NAA11: variants seen among roughly 807,000 people sequenced by gnomAD.
NAA11 encodes the protein N-alpha-acetyltransferase 11.
Under a neutral mutation model 16.1 loss-of-function variants are expected in NAA11, and 15 were observed. The observed-to-expected ratio is 0.93, with a 90% CI of 0.62 to 1.44. NAA11 has a LOEUF of 1.44. Among genes scored for constraint, NAA11 ranks in the 40% most tolerant of loss-of-function variants. NAA11 has a pLI of 0.00. For synonymous variants in NAA11, 122 were observed against 112.4 expected (o/e 1.09, Z -0.54); for missense variants, 298 against 291.3 (o/e 1.02, Z -0.17).
At chr4:79,248,747 G>A (rs1053804801) in intron 2 of NAA11, among the ~76,000 whole-genome samples, 2 of 152,192 alleles carry the variant, frequency 1.3e-5, no homozygotes, top group African/African-American at 2.4e-5. Flanking sequence ...ACTGCTGCCT[G>A]CATAAACCTG....
chr4:79,259,871 A>G (rs1449975168), intron 2 of NAA11, among the ~76,000 whole-genome samples: 3 of 151,686 alleles, frequency 2.0e-5, no homozygotes, highest in African/African-American at 7.3e-5. Context: ...AAACCTTCAC[A>G]TTTCTTCATT....
At chr4:79,188,458 A>C in the NAA11 span, among the ~76,000 whole-genome samples, 7 of 151,978 alleles carry the variant, frequency 4.6e-5, no homozygotes, top group South Asian at 1.5e-3. Flanking sequence ...AGTGGTGGGC[A>C]CCTGTGGTCC....
the NAA11 span, among the ~76,000 whole-genome samples, chr4:79,195,497 T>C: frequency 6.6e-6 from 1 of 152,148 alleles, no homozygotes; most frequent in Non-Finnish European, 1.5e-5. Flanking sequence ...TTTAAAATCT[T>C]TAAGAAAATC....
the NAA11 span, among the ~76,000 whole-genome samples, chr4:79,201,517 G>A: frequency 6.6e-6 from 1 of 151,666 alleles, no homozygotes; most frequent in Non-Finnish European, 1.5e-5. Flanking sequence ...GTACCAGGAT[G>A]TTAATTTTTT....
the NAA11 span, among the ~76,000 whole-genome samples, chr4:79,179,861 A>G: frequency 6.6e-6 from 1 of 152,224 alleles, no homozygotes; most frequent in South Asian, 2.1e-4. Flanking sequence ...ACAGTTCCAC[A>G]TGGCTGGAGA....
At chr4:79,176,692 T>C in the NAA11 span, among the ~76,000 whole-genome samples, 1 of 152,154 alleles carries the variant, frequency 6.6e-6, no homozygotes, top group Non-Finnish European at 1.5e-5. Context: ...CTTCGACCTA[T>C]ACAAACTGAC....
At chr4:79,183,873 C>A in the NAA11 span, among the ~76,000 whole-genome samples, 1 of 152,156 alleles carries the variant, frequency 6.6e-6, no homozygotes, top group Non-Finnish European at 1.5e-5. Flanking sequence ...ATAATATTTG[C>A]AATTTCTAGT....
In NAA11 at chr4:79,273,476, C is replaced by T. The variant is rs147131211; in HGVS notation, c.*122+20529G>A. On this transcript the variant is annotated intron_variant and NMD_transcript_variant, in intron 2 of 2. Transcript: ENST00000511542. ...TGGAAAAAATAATACAGACCAAATA[C>T]CTGAGTCACTTTAAACTAGTCTGGA... Among the ~76,000 whole-genome samples the T allele has an allele frequency of 7.2e-3, 1,089 of 152,024 alleles. 16 individuals are homozygous for T. Among genetic ancestry groups the T allele is most frequent in the African/African-American group, 0.025 (1,027 of 41,502 alleles).
At chr4:79,192,167 T>A in the NAA11 span, among the ~76,000 whole-genome samples, 1 of 152,156 alleles carries the variant, frequency 6.6e-6, no homozygotes, top group Non-Finnish European at 1.5e-5. Context: ...CTATTCAGGC[T>A]CTTTTTTGGT....
At chr4:79,309,673 G>A (rs1578192056) in intron 1 of NAA11, among the ~76,000 whole-genome samples, 1 of 104,412 alleles carries the variant, frequency 9.6e-6, no homozygotes. Context: ...AGTATTTATT[G>A]TTTGAAAAGA....
the NAA11 span, among the ~76,000 whole-genome samples, chr4:79,180,559 T>C: frequency 6.6e-6 from 1 of 152,114 alleles, no homozygotes; most frequent in African/African-American, 2.4e-5. Flanking sequence ...AGAAAGGCGA[T>C]CATTAAAAAG....
At chr4:79,295,784 A>C (rs1313582006) in intron 1 of NAA11, among the ~76,000 whole-genome samples, 1 of 152,226 alleles carries the variant, frequency 6.6e-6, no homozygotes, top group Admixed American at 6.5e-5. Flanking sequence ...CATGCTTCTC[A>C]TAGTATTTTC....
chr4:79,188,166 G>A, the NAA11 span, among the ~76,000 whole-genome samples: 3 of 151,924 alleles, frequency 2.0e-5, no homozygotes, highest in Admixed American at 2.0e-4. Flanking sequence ...AATTAGACTA[G>A]GCATTCAGCT....
At chr4:79,323,123 T>G (rs1724148104) in intron 1 of NAA11, among the ~76,000 whole-genome samples, 1 of 152,200 alleles carries the variant, frequency 6.6e-6, no homozygotes, top group Non-Finnish European at 1.5e-5. Context: ...TAGCACTTAC[T>G]GAAATTATAT....
At chr4:79,303,412 A>C (rs904965661) in intron 1 of NAA11, among the ~76,000 whole-genome samples, 1 of 152,100 alleles carries the variant, frequency 6.6e-6, no homozygotes, top group African/African-American at 2.4e-5. Flanking sequence ...TCAAACTCCA[A>C]GGAAGCCTGG....
intron 2 of NAA11, among the ~76,000 whole-genome samples, chr4:79,284,217 T>C (rs549818116): frequency 5.3e-5 from 8 of 152,204 alleles, no homozygotes; most frequent in African/African-American, 1.4e-4. Flanking sequence ...TTTGAAAGGC[T>C]CTACAGAGGT....
At chr4:79,176,951 G>T in the NAA11 span, among the ~76,000 whole-genome samples, 1 of 152,066 alleles carries the variant, frequency 6.6e-6, no homozygotes, top group Non-Finnish European at 1.5e-5. Context: ...GTGTTCTGTT[G>T]TCCCATGCTA....
At chr4:79,254,640 CTTTTCT>C (rs1386908063) in intron 2 of NAA11, among the ~76,000 whole-genome samples, 22 of 136,850 alleles carry the variant, frequency 1.6e-4, no homozygotes, top group African/African-American at 5.6e-4. Context: ...AGGATTTGTC[CTTTTCT>C]TTTTTTTTTT....
chr4:79,291,173 G>T (rs1171294427), intron 2 of NAA11, among the ~76,000 whole-genome samples: 1 of 152,086 alleles, frequency 6.6e-6, no homozygotes, highest in Non-Finnish European at 1.5e-5. Context: ...ACCATATAAA[G>T]AATCTGGGCC....
Sources: gnomAD v4.1 joint callset for allele counts (sites outside exome capture counted in the v4.1 genomes callset) on GRCh38, gnomAD v4.1.1 for gene constraint, MANE v1.5 for transcripts, NCBI Gene and HGNC (gene_info 2026-07-23, HGNC 2026-07-21) for gene names.